Variants in PLCE1 observed in about 807,000 individuals in gnomAD.
PLCE1 encodes phospholipase C epsilon 1.
PLCE1 carries 119 observed loss-of-function variants against 242.8 expected under a neutral mutation model. That is an observed-to-expected ratio of 0.49 (90% CI 0.42 to 0.57). The LOEUF (loss-of-function observed/expected upper bound fraction) is 0.57, where lower values mean the gene tolerates loss of function less well. Among genes scored for constraint, PLCE1 ranks in the 20% least tolerant of loss-of-function variants. The pLI is 0.00. For missense variants in PLCE1, 2,441 were observed against 2,788.8 expected (o/e 0.88, Z 2.81); for synonymous variants, 945 against 1,017.4 (o/e 0.93, Z 1.35).
intron 2 of PLCE1, among the ~76,000 whole-genome samples, chr10:94,115,614 G>T (rs1380767379): frequency 6.6e-6 from 1 of 150,582 alleles, no homozygotes; most frequent in Non-Finnish European, 1.5e-5. Flanking sequence ...TGATGAGGTT[G>T]TTTTTTTCTT....
rs540212773 is a variant in PLCE1 at position 94,167,561 on chromosome 10, C to T, written c.1493-3619C>T. ...ACTTTAAGTTTTAGGGGTACATGTG[C>T]ACAACGTGCAGGTTTGTTACATATG... On this transcript the variant is annotated intron_variant, in intron 3 of 32. Transcript: ENST00000371380. Among the ~76,000 whole-genome samples, 45 of 151,684 alleles carry T rather than the reference C, an allele frequency of 3.0e-4. 1 individual carries two copies. The highest frequency in any genetic ancestry group is 5.3e-4 in the Non-Finnish European group (36 of 67,910).
At position 94,171,466 on chromosome 10, in the gene PLCE1, C is replaced by G; in HGVS notation, c.1779C>G (p.Ala593=). 1 of 1,614,080 alleles carries G rather than the reference C, an allele frequency of 6.2e-7. No individual in the cohort carries two copies. Among genetic ancestry groups the G allele is most frequent in the Non-Finnish European group, 8.5e-7 (1 of 1,179,954 alleles). The change falls in exon 4 of 33, where the codon GCC becomes GCG. Residue 593 remains alanine, a synonymous_variant. Coordinates refer to ENST00000371380, the MANE Select transcript of PLCE1 (RefSeq NM_016341.4). ...CCACTCAGAATGGAGAGCACAATGC[C>G]CTTGAAGATCTGGTGATGAGGTTTA... ...ILTTQNGEHN[A]LEDLVMRFNE... is the part of the protein sequence containing the mutation.
chr10:94,177,119 T>G (rs1285142088), intron 4 of PLCE1, among the ~76,000 whole-genome samples: 1 of 152,178 alleles, frequency 6.6e-6, no homozygotes, highest in Non-Finnish European at 1.5e-5. Context: ...AACTGTAATG[T>G]GAGAAAAAGG....
chr10:94,201,577 G>A (rs766593599), intron 4 of PLCE1, among the ~76,000 whole-genome samples: 27 of 152,160 alleles, frequency 1.8e-4, no homozygotes, highest in Non-Finnish European at 2.9e-4. Context: ...CTGGGTTCAC[G>A]CCATTCTCCC....
At position 94,246,387 on chromosome 10, in the gene PLCE1, C is replaced by T; in HGVS notation, c.2862C>T (p.His954=). The T allele has an allele frequency of 6.2e-7, 1 of 1,614,126 alleles. No homozygotes were observed. The highest frequency in any genetic ancestry group is 8.5e-7 in the Non-Finnish European group (1 of 1,179,972). Residue 954 remains histidine (H), a synonymous_variant, in exon 8 of 33, where the codon CAC becomes CAT. Coordinates refer to ENST00000371380, the MANE Select transcript of PLCE1 (RefSeq NM_016341.4). The part of the protein sequence containing the change: ...VYMGHPGIDI[H]TVCVQNKLGS... ...TGGGCCACCCTGGCATTGATATACA[C>T]ACTGTGTGTGTTCAGAACAAACTGG...
intron 2 of PLCE1, among the ~76,000 whole-genome samples, chr10:94,055,998 TTGACTCCCTTCTGAGGTGC>T (rs2043893817): frequency 6.6e-6 from 1 of 152,208 alleles, no homozygotes; most frequent in East Asian, 1.9e-4. Flanking sequence ...CAAAGGACCT[TTGACTCCCTTCTGAGGTGC>T]TGCTTAGTTG....
intron 2 of PLCE1, among the ~76,000 whole-genome samples, chr10:94,034,131 A>G (rs958653020): frequency 4.6e-5 from 7 of 152,158 alleles, no homozygotes; most frequent in African/African-American, 1.7e-4. Context: ...GTATAAAACC[A>G]TCATATCTTA....
In PLCE1 at chr10:94,234,239, G is replaced by C. The variant is rs774037165; in HGVS notation, c.2141G>C (p.Cys714Ser). 3 of 1,614,144 alleles carry C rather than the reference G, an allele frequency of 1.9e-6. No homozygotes were observed. The highest frequency in any genetic ancestry group is 1.1e-5 in the South Asian group (1 of 91,084). ...PFCGVFLKEL[C>S]EVLDGASGLM... ...TGTGGGGTGTTTCTGAAGGAGCTCT[G>C]TGAAGTGCTTGACGGCGCCTCCGGT... The change falls in exon 6 of 33, where the codon TGT becomes TCT. Residue 714 changes from cysteine (C) to serine (S), a missense_variant. Coordinates refer to ENST00000371380, the MANE Select transcript of PLCE1 (RefSeq NM_016341.4).
At chr10:94,045,265 T>G (rs1226563954) in intron 2 of PLCE1, among the ~76,000 whole-genome samples, 1 of 152,134 alleles carries the variant, frequency 6.6e-6, no homozygotes, top group Admixed American at 6.6e-5. Context: ...GCTGGGAATA[T>G]GGGCTCGTGC....
chr10:94,042,950 C>T (rs566687707), intron 2 of PLCE1, among the ~76,000 whole-genome samples: 1 of 152,252 alleles, frequency 6.6e-6, no homozygotes, highest in Admixed American at 6.5e-5. Context: ...ATTTAGTTTT[C>T]TGTGATCTCT....
intron 4 of PLCE1, among the ~76,000 whole-genome samples, chr10:94,210,300 T>A (rs2049292335): frequency 6.6e-6 from 1 of 152,098 alleles, no homozygotes. Context: ...TCCTCTGAGG[T>A]TAAAACTCAC....
In PLCE1 at chr10:94,062,159, G is replaced by C. The variant is rs140250516; in HGVS notation, c.1206+29907G>C. On this transcript the variant is annotated intron_variant, in intron 2 of 32. Coordinates refer to ENST00000371380, the MANE Select transcript of PLCE1 (RefSeq NM_016341.4). ...TTTTGATAGGTTGGTGGTTAAAACT[G>C]TTGGTACTGGACTCAGATGGCTTGA... Among the ~76,000 whole-genome samples, 720 of 152,362 alleles carry C rather than the reference G, an allele frequency of 4.7e-3. 2 individuals carry two copies. The highest frequency in any genetic ancestry group is 0.01 in the Middle Eastern group (3 of 294).
intron 4 of PLCE1, among the ~76,000 whole-genome samples, chr10:94,185,573 A>G (rs1475558814): frequency 6.6e-6 from 1 of 152,212 alleles, no homozygotes; most frequent in Non-Finnish European, 1.5e-5. Context: ...TGAGTGATTT[A>G]AAAAACAGAA....
At chr10:94,325,276 G>C in intron 32 of PLCE1, 172 bp downstream of exon 32, 3 of 603,060 alleles carry the variant, frequency 5.0e-6, no homozygotes, top group Non-Finnish European at 8.9e-6. Context: ...TGTGTAACAT[G>C]ATATGCTATT....
chr10:94,065,577 C>A (rs535026479), intron 2 of PLCE1, among the ~76,000 whole-genome samples: 1 of 152,270 alleles, frequency 6.6e-6, no homozygotes, highest in East Asian at 1.9e-4. Flanking sequence ...ATCATATTTG[C>A]CTACCCCCAT....
At position 94,330,947 on chromosome 10, in the gene PLCE1, G is replaced by C. The variant is rs1320107563; in HGVS notation, c.*3004G>C. ...TTGATGTGGACAAGAATCTAAATAT[G>C]CAAGTTGGGGTCATTACAAAATTTT... On this transcript the variant is annotated 3_prime_UTR_variant, in exon 33 of 33. Transcript: ENST00000371380. 3.9e-5 allele frequency: 6 copies of C among 152,168 alleles called. No individual in the cohort carries two copies. Among genetic ancestry groups the C allele is most frequent in the Non-Finnish European group, 8.8e-5 (6 of 68,020 alleles). The allele number at this position is 152,168 out of a possible 1,614,324, so 9.4% of individuals were successfully genotyped here.
chr10:94,117,714 C>G (rs1234094546), intron 2 of PLCE1, among the ~76,000 whole-genome samples: 2 of 152,226 alleles, frequency 1.3e-5, no homozygotes, highest in Non-Finnish European at 2.9e-5. Context: ...TTAGTATATA[C>G]ACTGCTGTTG....
intron 4 of PLCE1, among the ~76,000 whole-genome samples, chr10:94,198,870 T>G (rs1000318473): frequency 1.3e-5 from 2 of 152,096 alleles, no homozygotes; most frequent in Non-Finnish European, 2.9e-5. Flanking sequence ...CAAATCCTCA[T>G]GTAAAACCTC....
At chr10:94,266,085 T>A in intron 16 of PLCE1, 127 bp downstream of exon 16, 1 of 844,424 alleles carries the variant, frequency 1.2e-6, no homozygotes, top group Non-Finnish European at 2.0e-6. Context: ...ACATGTCAAA[T>A]GTGAGGAACC....
Sources: allele counts gnomAD v4.1 joint callset (sites outside exome capture counted in the v4.1 genomes callset), GRCh38; gene constraint gnomAD v4.1.1; transcripts MANE v1.5; gene names NCBI Gene and HGNC (gene_info 2026-07-23, HGNC 2026-07-21).